Variants in GABPB1 observed in about 807,000 individuals in gnomAD.
GABPB1 encodes GA-binding protein subunit beta-1.
In GABPB1, 15 loss-of-function variants were observed where a neutral mutation model predicts 45.9. The observed-to-expected ratio is 0.33, with a 90% CI of 0.22 to 0.50. GABPB1 has a LOEUF of 0.50. Among genes scored for constraint, GABPB1 ranks in the 20% least tolerant of loss-of-function variants. GABPB1 has a pLI of 0.98. For synonymous variants in GABPB1, 143 were observed against 154.4 expected, an observed-to-expected ratio of 0.93 and a Z score of 0.55; for missense variants, 252 against 457.5, an observed-to-expected ratio of 0.55 and a Z score of 4.10.
chr15:50,308,975 CA>C (rs2047037243), intron 2 of GABPB1, among the ~76,000 whole-genome samples: 1 of 151,950 alleles, frequency 6.6e-6, no homozygotes, highest in African/African-American at 2.4e-5. Context: ...AAGGGTATTA[CA>C]GGGATATCGT....
At chr15:50,297,134 C>T (rs201950658) in intron 6 of GABPB1, among the ~76,000 whole-genome samples, 1 of 151,750 alleles carries the variant, frequency 6.6e-6, no homozygotes, top group East Asian at 1.9e-4. Flanking sequence ...TTGTCTTGAA[C>T]TCCTGACCCC....
intron 3 of GABPB1, 70 bp downstream of exon 3, chr15:50,303,896 A>G (rs2046846302): frequency 1.6e-6 from 2 of 1,241,356 alleles, no homozygotes; most frequent in East Asian, 4.9e-5. Flanking sequence ...TTTAACAAAA[A>G]CTAGTTCCCT....
intron 8 of GABPB1, among the ~76,000 whole-genome samples, chr15:50,280,990 A>G (rs1288537767): frequency 6.6e-6 from 1 of 152,210 alleles, no homozygotes; most frequent in African/African-American, 2.4e-5. Context: ...TAACAGTGAA[A>G]AGAACCTAAT....
intron 1 of GABPB1, among the ~76,000 whole-genome samples, chr15:50,338,908 T>A (rs12912969): frequency 0.47 from 71,969 of 152,144 alleles, 18,403 homozygotes; most frequent in Middle Eastern, 0.65. Context: ...CAGTGGCTCA[T>A]GTCTCACTTT....
intron 1 of GABPB1, among the ~76,000 whole-genome samples, chr15:50,312,510 G>A (rs2047167925): frequency 1.3e-5 from 2 of 151,930 alleles, no homozygotes; most frequent in Non-Finnish European, 2.9e-5. Flanking sequence ...TGTAACTGCT[G>A]GACAGTAAAA....
chr15:50,339,934 T>C (rs78752953), intron 1 of GABPB1, among the ~76,000 whole-genome samples: 2,654 of 152,326 alleles, frequency 0.017, 42 homozygotes, highest in Middle Eastern at 0.034. Context: ...TATCTTCCAC[T>C]CTTCCCTCTG....
intron 3 of GABPB1, 117 bp from the exon 4 acceptor site, chr15:50,303,240 A>T (rs1332661388): frequency 2.6e-6 from 2 of 777,040 alleles, no homozygotes; most frequent in East Asian, 5.4e-5. Flanking sequence ...TCAATTATTT[A>T]TATGTATATG....
chr15:50,351,658 A>C (rs867603991), intron 1 of GABPB1: 2 of 90,610 alleles, frequency 2.2e-5, no homozygotes, highest in Non-Finnish European at 4.4e-5. Flanking sequence ...AGGAGAGAGG[A>C]AAGAGGGAGG....
At chr15:50,344,264 G>A (rs1323580804) in intron 1 of GABPB1, among the ~76,000 whole-genome samples, 2 of 152,196 alleles carry the variant, frequency 1.3e-5, no homozygotes, top group African/African-American at 4.8e-5. Flanking sequence ...AGTAGAATTT[G>A]GACTTTATCT....
chr15:50,290,986 T>C (rs192208481), intron 6 of GABPB1, among the ~76,000 whole-genome samples: 2 of 152,342 alleles, frequency 1.3e-5, no homozygotes, highest in Admixed American at 1.3e-4. Flanking sequence ...GCTTTATTCA[T>C]ACTAGTAAAA....
At chr15:50,343,983 G>C (rs570045892) in intron 1 of GABPB1, among the ~76,000 whole-genome samples, 1 of 152,010 alleles carries the variant, frequency 6.6e-6, no homozygotes, top group Non-Finnish European at 1.5e-5. Flanking sequence ...CTAACATCAC[G>C]TATTTGTTTA....
At chr15:50,291,123 C>T (rs1014551117) in intron 6 of GABPB1, among the ~76,000 whole-genome samples, 3 of 152,176 alleles carry the variant, frequency 2.0e-5, no homozygotes, top group African/African-American at 7.2e-5. Flanking sequence ...GTAAACCAGA[C>T]ACAAAAGAAT....
intron 1 of GABPB1, among the ~76,000 whole-genome samples, chr15:50,320,357 G>C (rs1289405893): frequency 2.6e-5 from 4 of 152,138 alleles, no homozygotes; most frequent in African/African-American, 9.7e-5. Context: ...TAGTAGAGAT[G>C]GGGTTTCGGC....
At chr15:50,327,290 G>C (rs2047803744) in intron 1 of GABPB1, 2 of 152,122 alleles carry the variant, frequency 1.3e-5, no homozygotes, top group Admixed American at 1.3e-4. Flanking sequence ...CATACATTCT[G>C]ATCCTTTCTT....
At chr15:50,354,283 C>A (rs548970070) in intron 1 of GABPB1, 2 of 413,358 alleles carry the variant, frequency 4.8e-6, no homozygotes, top group East Asian at 8.5e-5. Flanking sequence ...AAGTCCCGAG[C>A]CTTCAGAACG....
At chr15:50,297,752 T>C (rs1437937119) in intron 6 of GABPB1, among the ~76,000 whole-genome samples, 3 of 152,124 alleles carry the variant, frequency 2.0e-5, no homozygotes, top group Non-Finnish European at 4.4e-5. Context: ...GGAGAATCGC[T>C]TGAACCCAGG....
intron 1 of GABPB1, among the ~76,000 whole-genome samples, chr15:50,347,084 G>A (rs903970916): frequency 5.9e-5 from 9 of 151,818 alleles, no homozygotes; most frequent in South Asian, 4.2e-4. Context: ...CACTGCACCC[G>A]GTCTGGAGTC....
chr15:50,346,194 TTTTCCTTTTTCACTTATATAG>T (rs1312491321), intron 1 of GABPB1, among the ~76,000 whole-genome samples: 12 of 152,162 alleles, frequency 7.9e-5, no homozygotes, highest in Admixed American at 7.9e-4. Flanking sequence ...TTGTACCCTG[TTTTCCTTTTTCACTTATATAG>T]AAGTAAATGG....
rs142511100 is a variant in GABPB1, at chr15:50,342,813, T to C, written c.-1+12172A>G. Among the ~76,000 whole-genome samples, 887 of 152,310 alleles carry C rather than the reference T, an allele frequency of 5.8e-3. 9 individuals carry two copies. The highest frequency in any genetic ancestry group is 0.02 in the African/African-American group (850 of 41,570). ...AATCATCTGAGAGCTACTTCTATAGTTGTTAGATAGGTTTCAAGGTTTATA... is the reference window on the plus strand; with the variant it reads ...AATCATCTGAGAGCTACTTCTATAGCTGTTAGATAGGTTTCAAGGTTTATA... On this transcript the variant is annotated intron_variant, in intron 1 of 8. Coordinates refer to ENST00000380877, the MANE Select transcript of GABPB1 (RefSeq NM_016654.5).
Sources: allele counts gnomAD v4.1 joint callset (sites outside exome capture counted in the v4.1 genomes callset), GRCh38; gene constraint gnomAD v4.1.1; transcripts MANE v1.5; gene names NCBI Gene and HGNC (gene_info 2026-07-23, HGNC 2026-07-21).